The following MYO10 variants were observed in gnomAD, a reference collection of about 807,000 sequenced individuals.
MYO10 encodes unconventional myosin-X.
MYO10 carries 133 observed loss-of-function variants against 257.3 expected under a neutral mutation model. The ratio of observed to expected loss-of-function variants is 0.52; its 90% CI spans 0.45 to 0.60. The LOEUF (loss-of-function observed/expected upper bound fraction) is 0.60, where lower values mean the gene tolerates loss of function less well. MYO10 is among the 20% of genes least tolerant of loss of function. MYO10 has a pLI of 0.00. For missense variants in MYO10, 2,399 were observed against 2,635.7 expected (o/e 0.91, Z 1.97); for synonymous variants, 1,104 against 1,028.6 (o/e 1.07, Z -1.40).
chr5:16,868,940 C>T lies in MYO10; in HGVS notation c.120+8669G>A, dbSNP rs532823720. 9.2e-5 allele frequency among the ~76,000 whole-genome samples: 14 copies of T among 152,156 alleles called. No individual in the cohort carries two copies. In the South Asian group the frequency reaches 2.9e-3, roughly 32 times the overall value. On this transcript the variant is annotated intron_variant, in intron 2 of 40. Coordinates refer to ENST00000513610, the MANE Select transcript of MYO10 (RefSeq NM_012334.3). ...CGATCTCCTTGGCAAAAACAAACAA[C>T]AAAAAAACAAAATTCCTTAAAGACT...
At chr5:16,846,120 G>T (rs1265551458) in intron 2 of MYO10, among the ~76,000 whole-genome samples, 1 of 152,204 alleles carries the variant, frequency 6.6e-6, no homozygotes, top group African/African-American at 2.4e-5. Flanking sequence ...GTGTTAAGGT[G>T]TATCAAGTGC....
intron 3 of MYO10, among the ~76,000 whole-genome samples, chr5:16,812,256 A>C (rs1429512005): frequency 6.6e-6 from 1 of 152,198 alleles, no homozygotes; most frequent in African/African-American, 2.4e-5. Context: ...GGTTCCAGGA[A>C]GAGAATCTAA....
intron 19 of MYO10, among the ~76,000 whole-genome samples, chr5:16,748,490 G>GCCCCC (rs376012902): frequency 6.8e-6 from 1 of 147,714 alleles, no homozygotes; most frequent in African/African-American, 2.5e-5. Flanking sequence ...AGTGATCCGC[G>GCCCCC]CCCCCCCGCC....
At chr5:16,691,404 A>C (rs185610346) in intron 27 of MYO10, among the ~76,000 whole-genome samples, 47 of 152,058 alleles carry the variant, frequency 3.1e-4, no homozygotes, top group African/African-American at 1.1e-3. Flanking sequence ...ATTTAAAAAA[A>C]AATCAAGATC....
In MYO10 at chr5:16,747,925, AAAAAAAAAAAAAAAAAAAAAAG is replaced by A. The variant is rs1440148315; in HGVS notation, c.1929+6881_1929+6902del. Among the ~76,000 whole-genome samples the A allele has an allele frequency of 1.7e-4, 20 of 120,426 alleles. 1 individual carries two copies. The highest frequency in any genetic ancestry group is 1.1e-3 in the African/African-American group (19 of 16,752). 79.0% of individuals were successfully genotyped at this position (120,426 alleles called of 152,430 possible). ...CAGAGCGAAACTCCGTCTCAAAAAAAAAAAAAAAAAAAAAAAAAAAAGAAAAAAAAAAAGATACAGGAAGAAA... is the reference window on the plus strand; with the variant it reads ...CAGAGCGAAACTCCGTCTCAAAAAAAAAAAAAAAAAAGATACAGGAAGAAA... On this transcript the variant is annotated intron_variant, in intron 19 of 40. Transcript: ENST00000513610.
intron 19 of MYO10, among the ~76,000 whole-genome samples, chr5:16,712,717 T>C: frequency 6.6e-6 from 1 of 152,232 alleles, no homozygotes; most frequent in East Asian, 1.9e-4. Flanking sequence ...TCAGCCCTAG[T>C]GGGCTGACTT....
At chr5:16,912,927 C>T (rs1437127212) in intron 1 of MYO10, among the ~76,000 whole-genome samples, 1 of 149,780 alleles carries the variant, frequency 6.7e-6, no homozygotes, top group African/African-American at 2.5e-5. Flanking sequence ...TCCTAAGCTA[C>T]AGGCATGCTT....
intron 1 of MYO10, among the ~76,000 whole-genome samples, chr5:16,912,701 A>T (rs1374157271): frequency 6.6e-6 from 1 of 151,776 alleles, no homozygotes; most frequent in East Asian, 1.9e-4. Context: ...GCAGACTAAA[A>T]CCCTTTTAAA....
At chr5:16,908,437 A>G (rs1444630083) in intron 1 of MYO10, among the ~76,000 whole-genome samples, 1 of 152,102 alleles carries the variant, frequency 6.6e-6, no homozygotes, top group Non-Finnish European at 1.5e-5. Context: ...CTGAGGCAGG[A>G]GAATCGCTTG....
intron 33 of MYO10, among the ~76,000 whole-genome samples, chr5:16,678,243 T>A (rs1047656146): frequency 3.9e-5 from 6 of 152,128 alleles, no homozygotes; most frequent in Non-Finnish European, 7.4e-5. Flanking sequence ...GTGCCCTGGG[T>A]TGCATGGAAA....
intron 19 of MYO10, among the ~76,000 whole-genome samples, chr5:16,732,544 G>T (rs1276696984): frequency 1.3e-5 from 2 of 152,166 alleles, no homozygotes; most frequent in African/African-American, 4.8e-5. Context: ...GAAAAATCAT[G>T]CTGAGAAATA....
In MYO10 at chr5:16,770,187, G is replaced by A. The variant is rs190489733; in HGVS notation, c.931-984C>T. Among the ~76,000 whole-genome samples, 10 of 152,180 alleles carry A rather than the reference G, an allele frequency of 6.6e-5. No homozygotes were observed. In the East Asian group the frequency reaches 1.4e-3, roughly 21 times the overall value. ...TTCAAGGTTACGGTGAGCTATGATC[G>A]CATGTGTACTCCAGCCTGGGAGCCT... On this transcript the variant is annotated intron_variant, in intron 9 of 40. Coordinates refer to ENST00000513610, the MANE Select transcript of MYO10 (RefSeq NM_012334.3).
chr5:16,824,309 G>A (rs1389038715), intron 2 of MYO10, among the ~76,000 whole-genome samples: 1 of 152,034 alleles, frequency 6.6e-6, no homozygotes, highest in Non-Finnish European at 1.5e-5. Context: ...TCCCGCCCCC[G>A]CCACTGCTGG....
At chr5:16,716,851 G>A (rs1226928758) in intron 19 of MYO10, among the ~76,000 whole-genome samples, 1 of 151,556 alleles carries the variant, frequency 6.6e-6, no homozygotes, top group Non-Finnish European at 1.5e-5. Flanking sequence ...TTATTTTTTT[G>A]AGATGAAGTC....
chr5:16,782,027 TAGTGAGCGTAGCTGTGCTGCCA>T (rs1202102871), intron 5 of MYO10, among the ~76,000 whole-genome samples, 198 bp from the exon 6 acceptor site: 1 of 152,224 alleles, frequency 6.6e-6, no homozygotes, highest in Non-Finnish European at 1.5e-5. Flanking sequence ...ATATCCATCT[TAGTGAGCGTAGCTGTGCTGCCA>T]AGGGATGCCA....
chr5:16,841,601 A>AGAGAAGGAT (rs1696249554), intron 2 of MYO10, among the ~76,000 whole-genome samples: 1 of 152,124 alleles, frequency 6.6e-6, no homozygotes, highest in Middle Eastern at 3.2e-3. Context: ...TTTCTCTGAG[A>AGAGAAGGAT]GAGAAGGATG....
chr5:16,761,300 T>C (rs1397129528), intron 17 of MYO10, among the ~76,000 whole-genome samples, 164 bp downstream of exon 17: 2 of 152,176 alleles, frequency 1.3e-5, no homozygotes, highest in African/African-American at 4.8e-5. Flanking sequence ...CTTGCTTGTA[T>C]TATTGTTATA....
At chr5:16,811,068 C>CA (rs11420807) in intron 3 of MYO10, among the ~76,000 whole-genome samples, 2,481 of 108,792 alleles carry the variant, frequency 0.023, 141 homozygotes, top group African/African-American at 0.063. Flanking sequence ...GACTCTGTCT[C>CA]AAAAAAAAAA....
intron 1 of MYO10, among the ~76,000 whole-genome samples, chr5:16,884,890 A>G (rs1156768111): frequency 6.6e-6 from 1 of 152,154 alleles, no homozygotes; most frequent in Non-Finnish European, 1.5e-5. Flanking sequence ...AGAGTAATAC[A>G]GTGTTCTAGA....
Sources: gnomAD v4.1 joint callset for allele counts (sites outside exome capture counted in the v4.1 genomes callset) on GRCh38, gnomAD v4.1.1 for gene constraint, MANE v1.5 for transcripts, NCBI Gene and HGNC (gene_info 2026-07-23, HGNC 2026-07-21) for gene names.